FARP2: variants seen among roughly 807,000 people sequenced by gnomAD.
FARP2 encodes FERM, ARHGEF and pleckstrin domain-containing protein 2.
FARP2 carries 111 observed loss-of-function variants against 130.5 expected under a neutral mutation model. That is an observed-to-expected ratio of 0.85 (90% CI 0.73 to 1.00). The LOEUF is 1.00. Ranked by LOEUF, FARP2 falls within the 50% of genes least tolerant of loss-of-function variation. FARP2 has a pLI of 0.00. For missense variants in FARP2, 1,385 were observed against 1,346.3 expected (o/e 1.03, Z -0.45); for synonymous variants, 504 against 516.9 (o/e 0.98, Z 0.34).
At chr2:241,479,582 C>T (rs564213691) in intron 19 of FARP2, among the ~76,000 whole-genome samples, 1 of 152,256 alleles carries the variant, frequency 6.6e-6, no homozygotes, top group Non-Finnish European at 1.5e-5. Flanking sequence ...CAGCCTGGGA[C>T]AGTCAAGGCT....
At chr2:241,493,209 C>A in intron 25 of FARP2, 84 bp from the exon 26 acceptor site, 3 of 1,480,794 alleles carry the variant, frequency 2.0e-6, no homozygotes, top group South Asian at 2.4e-5. Flanking sequence ...TTTGTACGTG[C>A]CACCGTTGTG....
chr2:241,386,292 C>T (rs2061782082), intron 2 of FARP2, among the ~76,000 whole-genome samples: 1 of 152,170 alleles, frequency 6.6e-6, no homozygotes, highest in Non-Finnish European at 1.5e-5. Flanking sequence ...GCTGTTGTTG[C>T]TCAGGCTAGC....
rs2062713963 is a variant in FARP2 at position 241,417,818 on chromosome 2, TG to T, written c.624-141del. On this transcript the variant is annotated intron_variant, in intron 7 of 26. Transcript: ENST00000264042. ...CACGTGTGGTATGCTGTTTTTGTAGTGGGTAAACACAGACAGTGAACCATCT... is the reference window on the plus strand; with the variant it reads ...CACGTGTGGTATGCTGTTTTTGTAGTGGTAAACACAGACAGTGAACCATCT... 7 of 834,616 alleles carry T rather than the reference TG, an allele frequency of 8.4e-6. No homozygotes were observed. In the South Asian group the frequency reaches 8.7e-5, roughly 10 times the overall value. 51.7% of individuals were successfully genotyped at this position (834,616 alleles called of 1,614,324 possible).
At chr2:241,411,219 T>C (rs2150361854) in intron 6 of FARP2, 89 bp downstream of exon 6, 1 of 897,842 alleles carries the variant, frequency 1.1e-6, no homozygotes, top group East Asian at 2.7e-5. Flanking sequence ...CTGATGTATT[T>C]GCCTAGTTAG....
intron 23 of FARP2, 49 bp downstream of exon 23, chr2:241,491,228 G>C (rs1244182098): frequency 7.4e-7 from 1 of 1,347,966 alleles, no homozygotes; most frequent in South Asian, 1.2e-5. Context: ...CACCTAAGGA[G>C]GCTTTTTTTG....
chr2:241,449,862 C>T (rs2063604156), intron 13 of FARP2, among the ~76,000 whole-genome samples: 1 of 151,964 alleles, frequency 6.6e-6, no homozygotes, highest in South Asian at 2.1e-4. Context: ...CAAAAATTAG[C>T]TAGGCATGGT....
chr2:241,377,338 T>C (rs1219847069), intron 2 of FARP2, among the ~76,000 whole-genome samples: 2 of 149,350 alleles, frequency 1.3e-5, no homozygotes, highest in African/African-American at 2.5e-5. Context: ...GGTTTCTTTT[T>C]TTTTTTTTTT....
rs746083428 is a variant in FARP2, at chr2:241,493,003, C to T, written c.2862C>T (p.Thr954=). The T allele has an allele frequency of 3.1e-6, 5 of 1,608,908 alleles. No individual in the cohort carries two copies. Among genetic ancestry groups the T allele is most frequent in the East Asian group, 4.5e-5 (2 of 44,858 alleles). Residue 954 remains threonine (T), a synonymous_variant, in exon 25 of 27, where the codon ACC becomes ACT. Transcript: ENST00000264042. The part of the protein sequence containing the change: ...HGWQKLWVVF[T]NFCLFFYKTH... ...GGCAGAAGCTCTGGGTCGTCTTTACCAACTTCTGTTTGTTCTTCTACAAAA... is the reference window on the plus strand; with the variant it reads ...GGCAGAAGCTCTGGGTCGTCTTTACTAACTTCTGTTTGTTCTTCTACAAAA...
At chr2:241,434,062 T>C in intron 9 of FARP2, 96 bp from the exon 10 acceptor site, 3 of 960,442 alleles carry the variant, frequency 3.1e-6, no homozygotes, top group Non-Finnish European at 4.6e-6. Flanking sequence ...ATTTTTAATT[T>C]TGGAATTCCC....
In FARP2 at chr2:241,368,539, A is replaced by G. The variant is rs1264242951; in HGVS notation, c.-24-4545A>G. On this transcript the variant is annotated intron_variant, in intron 1 of 26. Transcript: ENST00000264042. ...TCATTAGTCAAAATTTATGTGAAAC[A>G]GCCTCAGCCTCCCGAGTAGCTGGGA... Among the ~76,000 whole-genome samples the G allele has an allele frequency of 1.3e-5, 2 of 152,188 alleles. 1 individual carries two copies. Among genetic ancestry groups the G allele is most frequent in the African/African-American group, 4.8e-5 (2 of 41,406 alleles).
intron 4 of FARP2, chr2:241,405,514 A>G (rs2062309878): frequency 6.6e-6 from 1 of 152,254 alleles, no homozygotes; most frequent in Admixed American, 6.5e-5. Flanking sequence ...AAAAACGTGT[A>G]GAAATAACTT....
chr2:241,442,374 G>A, intron 13 of FARP2: 1 of 456,714 alleles, frequency 2.2e-6, no homozygotes, highest in Non-Finnish European at 4.4e-6. Flanking sequence ...GCAGCACAGA[G>A]TCAGACTCAT....
intron 2 of FARP2, among the ~76,000 whole-genome samples, chr2:241,380,680 T>A (rs559530943): frequency 1.2e-3 from 167 of 144,862 alleles, no homozygotes; most frequent in African/African-American, 4.0e-3. Context: ...ATTATTATAT[T>A]ATAATAATAA....
intron 7 of FARP2, among the ~76,000 whole-genome samples, chr2:241,416,702 G>T (rs1464142740): frequency 6.6e-6 from 1 of 152,144 alleles, no homozygotes; most frequent in Admixed American, 6.5e-5. Context: ...CAACAAGTTT[G>T]AGTCCAGGAG....
At chr2:241,464,198 C>G (rs1286134277) in intron 17 of FARP2, among the ~76,000 whole-genome samples, 1 of 149,896 alleles carries the variant, frequency 6.7e-6, no homozygotes, top group African/African-American at 2.5e-5. Context: ...GAGCAGGGTC[C>G]CCTCAGAATA....
At chr2:241,414,415 A>C (rs1298561959) in intron 7 of FARP2, among the ~76,000 whole-genome samples, 1 of 152,108 alleles carries the variant, frequency 6.6e-6, no homozygotes, top group Non-Finnish European at 1.5e-5. Context: ...TCCTGTTGAG[A>C]TGCAGGTTTG....
At chr2:241,455,628 C>T (rs1454697670) in intron 13 of FARP2, among the ~76,000 whole-genome samples, 2 of 151,786 alleles carry the variant, frequency 1.3e-5, no homozygotes, top group African/African-American at 4.8e-5. Context: ...GTGGTCCACC[C>T]CCCTCAGCCT....
At chr2:241,381,403 C>G (rs371315239) in intron 2 of FARP2, among the ~76,000 whole-genome samples, 2 of 152,124 alleles carry the variant, frequency 1.3e-5, no homozygotes, top group African/African-American at 2.4e-5. Context: ...GGCTCTGGAG[C>G]GTGGACTTCC....
intron 6 of FARP2, among the ~76,000 whole-genome samples, chr2:241,412,311 C>A (rs1181160176): frequency 6.6e-6 from 1 of 152,144 alleles, no homozygotes; most frequent in East Asian, 1.9e-4. Context: ...CTGGGTCCCT[C>A]CCACAGTAAG....
Sources: gnomAD v4.1 joint callset for allele counts (sites outside exome capture counted in the v4.1 genomes callset) on GRCh38, gnomAD v4.1.1 for gene constraint, MANE v1.5 for transcripts, NCBI Gene and HGNC (gene_info 2026-07-23, HGNC 2026-07-21) for gene names.